Variants in IBSP observed in about 807,000 individuals in gnomAD.
The protein encoded by IBSP is integrin-binding sialoprotein.
Under a neutral mutation model 25.5 loss-of-function variants are expected in IBSP, and 19 were observed. The observed-to-expected ratio is 0.74, with a 90% CI of 0.52 to 1.09. IBSP has a LOEUF of 1.09. IBSP is among the 50% of genes least tolerant of loss of function. The pLI is 0.00. For missense variants in IBSP, 360 were observed against 382.3 expected (o/e 0.94, Z 0.49); for synonymous variants, 144 against 137.6 (o/e 1.05, Z -0.33).
chr4:87,803,698 G>A (rs1289974702), intron 4 of IBSP, among the ~76,000 whole-genome samples: 1 of 152,138 alleles, frequency 6.6e-6, no homozygotes, highest in Non-Finnish European at 1.5e-5. Context: ...TCATTTTAAA[G>A]TATTTCTAGC....
chr4:87,803,523 C>A (rs1722051155), intron 4 of IBSP, among the ~76,000 whole-genome samples: 1 of 152,100 alleles, frequency 6.6e-6, no homozygotes, highest in South Asian at 2.1e-4. Context: ...TAGTACCATA[C>A]AGTTTGGGTT....
At chr4:87,805,469 T>G (rs965419045) in intron 4 of IBSP, among the ~76,000 whole-genome samples, 6 of 152,314 alleles carry the variant, frequency 3.9e-5, no homozygotes, top group Admixed American at 6.5e-5. Flanking sequence ...TAAATTAACC[T>G]CATTTTAGGA....
chr4:87,810,481 C>A, intron 5 of IBSP, 125 bp from the exon 6 acceptor site: 1 of 704,340 alleles, frequency 1.4e-6, no homozygotes, highest in South Asian at 1.9e-5. Context: ...TTTGAGTGAT[C>A]AGCCAGCTGA....
chr4:87,811,088 C>G (rs555229860), intron 6 of IBSP, among the ~76,000 whole-genome samples: 1 of 152,088 alleles, frequency 6.6e-6, no homozygotes, highest in African/African-American at 2.4e-5. Context: ...AAGAGAATTC[C>G]AAGACAGAGA....
At chr4:87,808,138 A>T (rs1722114288) in intron 5 of IBSP, among the ~76,000 whole-genome samples, 1 of 152,130 alleles carries the variant, frequency 6.6e-6, no homozygotes, top group African/African-American at 2.4e-5. Flanking sequence ...TGGTGATCAC[A>T]CATTTCCTTT....
intron 5 of IBSP, among the ~76,000 whole-genome samples, chr4:87,809,860 G>A (rs946438003): frequency 1.3e-5 from 2 of 148,964 alleles, no homozygotes; most frequent in East Asian, 1.9e-4. Context: ...ATTGCCTCAC[G>A]ATATGATATA....
intron 4 of IBSP, among the ~76,000 whole-genome samples, 200 bp downstream of exon 4, chr4:87,802,931 T>A (rs970792517): frequency 6.6e-6 from 1 of 152,166 alleles, no homozygotes; most frequent in Admixed American, 6.6e-5. Flanking sequence ...CAGAGTAAAA[T>A]CATTTGGATC....
At chr4:87,804,543 C>T (rs945862625) in intron 4 of IBSP, among the ~76,000 whole-genome samples, 3 of 152,142 alleles carry the variant, frequency 2.0e-5, no homozygotes, top group Admixed American at 1.3e-4. Flanking sequence ...TAGTTGAACT[C>T]ATAGAAGGTA....
intron 1 of IBSP, among the ~76,000 whole-genome samples, chr4:87,801,465 C>T (rs1722014332): frequency 6.8e-6 from 1 of 148,088 alleles, no homozygotes; most frequent in Non-Finnish European, 1.5e-5. Flanking sequence ...GTCTCTGTCT[C>T]TCATCCACCC....
chr4:87,811,340 T>A, intron 6 of IBSP, 22 bp from the exon 7 acceptor site: 1 of 1,574,120 alleles, frequency 6.4e-7, no homozygotes, highest in Non-Finnish European at 8.6e-7. Context: ...AGATTTGGGT[T>A]CTTTCAAACG....
In IBSP at chr4:87,811,864, A is replaced by C; in HGVS notation, c.908A>C (p.Gln303Pro). The change falls in exon 7 of 7, where the codon CAA (glutamine) becomes CCA (proline). Residue 303 changes from glutamine (Q) to proline (P), a missense_variant. Gln to Pro is a moderately conservative substitution (Grantham distance 76). Coordinates refer to ENST00000226284, the MANE Select transcript of IBSP (RefSeq NM_004967.4). Reference sequence around the variant, plus strand: ...GATGAGTACAGCTACTTTAAAGGACAAGGCTACGATGGCTATGATGGTCAG... The same window carrying C: ...GATGAGTACAGCTACTTTAAAGGACCAGGCTACGATGGCTATGATGGTCAG... ...YEDEYSYFKG[Q>P]GYDGYDGQNY... is the part of the protein sequence containing the mutation. 1 of 1,566,946 alleles carries C rather than the reference A, an allele frequency of 6.4e-7. No homozygotes were observed. Among genetic ancestry groups the C allele is most frequent in the Non-Finnish European group, 8.6e-7 (1 of 1,156,482 alleles).
intron 5 of IBSP, 28 bp from the exon 6 acceptor site, chr4:87,810,578 T>C (rs759168108): frequency 6.6e-7 from 1 of 1,525,322 alleles, no homozygotes; most frequent in South Asian, 1.1e-5. Flanking sequence ...GGTAAAATAA[T>C]TTTTCTTACT....
In IBSP at chr4:87,811,451, C is replaced by T. The variant is rs200405481; in HGVS notation, c.495C>T (p.Ser165=). The T allele has an allele frequency of 3.1e-6, 5 of 1,613,218 alleles. No homozygotes were observed. The highest frequency in any genetic ancestry group is 2.2e-5 in the East Asian group (1 of 44,810). ...EEEEGNENEE[S]EAEVDENEQG... ...AGGAAGGAAATGAAAACGAAGAAAG[C>T]GAAGCAGAAGTGGATGAAAACGAAC... Residue 165 remains serine (S), a synonymous_variant, in exon 7 of 7, where the codon AGC becomes AGT. Transcript: ENST00000226284.
Position 87,812,016 on chromosome 4 carries a change from A to G in IBSP, c.*106A>G. On this transcript the variant is annotated 3_prime_UTR_variant, in exon 7 of 7. Transcript: ENST00000226284. ...TATAACAAATGTGCATATTATAATG[A>G]GGAATGGTACTACCGTTCCAGATTT... 2.3e-6 allele frequency: 2 copies of G among 874,634 alleles called. No individual in the cohort carries two copies. Among genetic ancestry groups the G allele is most frequent in the Non-Finnish European group, 3.5e-6 (2 of 577,688 alleles). 54.2% of individuals were successfully genotyped at this position (874,634 alleles called of 1,614,324 possible). A position where few individuals can be genotyped will look rare whatever the true frequency, so the allele number is the denominator to read the frequency against.
chr4:87,810,590 T>C lies in IBSP; in HGVS notation c.247-16T>C, dbSNP rs543211242. The stretch of plus-strand genomic sequence containing the variant: ...CCAGGTAAAATAATTTTTCTTACTA[T>C]GAATATTTTTAACAGGAGACTTCAA... On this transcript the variant is annotated splice_polypyrimidine_tract_variant and intron_variant, in intron 5 of 6. Transcript: ENST00000226284. 5.3e-4 allele frequency: 829 copies of C among 1,571,818 alleles called. 9 individuals carry two copies. The South Asian group carries it at 8.7e-3, about 16-fold the overall frequency.
chr4:87,807,456 A>G (rs1447984675), intron 5 of IBSP, among the ~76,000 whole-genome samples: 1 of 151,210 alleles, frequency 6.6e-6, no homozygotes, highest in Admixed American at 6.6e-5. Flanking sequence ...CCTTACAAGA[A>G]TGTTAAGCCA....
chr4:87,802,672 C>T lies in IBSP; in HGVS notation c.124C>T (p.Arg42Ter), dbSNP rs373947836. ...EENGVFKYRP[R>*]YYLYKHAYFY... ...TTTGCAGGTCTTTAAGTACAGGCCA[C>T]GATATTATCTTTACAAGCATGCCTA... The change falls in exon 4 of 7, where the codon CGA becomes TGA. Residue 42 changes from arginine (R) to a stop codon, truncating the protein, a stop_gained. Coordinates refer to ENST00000226284, the MANE Select transcript of IBSP (RefSeq NM_004967.4). LOFTEE classifies it high-confidence loss of function. 26 of 1,572,440 alleles carry T rather than the reference C, an allele frequency of 1.7e-5. No individual in the cohort carries two copies. The highest frequency in any genetic ancestry group is 2.1e-5 in the Admixed American group (1 of 48,122).
chr4:87,810,655 A>T lies in IBSP; in HGVS notation c.296A>T (p.Asp99Val), dbSNP rs1389514414. 3 of 1,613,546 alleles carry T rather than the reference A, an allele frequency of 1.9e-6. No homozygotes were observed. The highest frequency in any genetic ancestry group is 1.7e-5 in the Admixed American group (1 of 59,986). Residue 99 changes from aspartate to valine, a missense_variant, in exon 6 of 7, where the codon GAC becomes GTC. Transcript: ENST00000226284. ...AATGAAGAATCGAATGAAGATGAAG[A>T]CTCTGAGGCTGAGAATACCACACTT... Reference protein sequence around the residue: ...ENNEESNEDEDSEAENTTLSA... With the variant: ...ENNEESNEDEVSEAENTTLSA...
At chr4:87,802,466 TA>T (rs1174607246) in intron 2 of IBSP, 41 bp from the exon 3 acceptor site, 1 of 1,592,026 alleles carries the variant, frequency 6.3e-7, no homozygotes, top group Admixed American at 1.8e-5. Context: ...TCTTTTTATG[TA>T]AAAGAAAAAT....
Sources: allele counts gnomAD v4.1 joint callset (sites outside exome capture counted in the v4.1 genomes callset), GRCh38; gene constraint gnomAD v4.1.1; transcripts MANE v1.5; gene names NCBI Gene and HGNC (gene_info 2026-07-23, HGNC 2026-07-21).